AFF1: variants seen among roughly 807,000 people sequenced by gnomAD.
AFF1 encodes AF4/FMR2 family member 1.
AFF1 carries 48 observed loss-of-function variants against 121.7 expected under a neutral mutation model. That is an observed-to-expected ratio of 0.39 (90% CI 0.31 to 0.50). The LOEUF (loss-of-function observed/expected upper bound fraction) is 0.50, where lower values mean the gene tolerates loss of function less well. Among genes scored for constraint, AFF1 ranks in the 20% least tolerant of loss-of-function variants. The pLI, the probability that AFF1 is intolerant of heterozygous loss-of-function variation, is 0.76. For synonymous variants in AFF1, 613 were observed against 563.0 expected (o/e 1.09, Z -1.26); for missense variants, 1,523 against 1,511.7 (o/e 1.01, Z -0.12).
At position 87,046,683 on chromosome 4, in the gene AFF1, C is replaced by CT. The variant is rs753711071; in HGVS notation, c.160-4dup. On this transcript the variant is annotated splice_polypyrimidine_tract_variant and intron_variant, in intron 3 of 20. Coordinates refer to ENST00000395146, the MANE Select transcript of AFF1 (RefSeq NM_001166693.3). ...AGTTTTTTTTCATTCTCAAATTCTC[C>CT]TTTTTTTTCAGACAGCAAAAGGTGA... is the stretch of plus-strand genomic sequence containing the variant. 136 of 1,579,906 alleles carry CT rather than the reference C, an allele frequency of 8.6e-5. No individual in the cohort carries two copies. In the South Asian group the frequency reaches 9.7e-4, roughly 11 times the overall value.
chr4:87,076,144 C>T (rs369265597), intron 4 of AFF1, among the ~76,000 whole-genome samples: 8 of 152,146 alleles, frequency 5.3e-5, no homozygotes, highest in Admixed American at 4.6e-4. Context: ...TGCACTACCC[C>T]CTTCTTCTAG....
Position 87,091,847 on chromosome 4 carries a change from TG to T in AFF1, c.1228+19del. On this transcript the variant is annotated intron_variant, in intron 7 of 20. Coordinates refer to ENST00000395146, the MANE Select transcript of AFF1 (RefSeq NM_001166693.3). ...AAACCAAAGTAAGTAAATTTGAAAC[TG>T]CTTATTGGATTGGAGAACAAAGCAT... 1.3e-6 allele frequency: 2 copies of T among 1,547,880 alleles called. No individual in the cohort carries two copies. The highest frequency in any genetic ancestry group is 1.7e-6 in the Non-Finnish European group (2 of 1,143,132).
At chr4:87,010,289 G>C (rs1408449848) in intron 2 of AFF1, among the ~76,000 whole-genome samples, 1 of 152,122 alleles carries the variant, frequency 6.6e-6, no homozygotes, top group African/African-American at 2.4e-5. Flanking sequence ...TAGATTTTTG[G>C]GGGTCATATT....
chr4:86,952,280 C>T (rs1176756272), intron 2 of AFF1, among the ~76,000 whole-genome samples: 2 of 152,142 alleles, frequency 1.3e-5, no homozygotes, highest in African/African-American at 4.8e-5. Flanking sequence ...TTAGAGTTGA[C>T]TACTGTAGGC....
chr4:87,006,800 G>C (rs1004697138), intron 2 of AFF1, among the ~76,000 whole-genome samples: 2 of 152,186 alleles, frequency 1.3e-5, no homozygotes, highest in Non-Finnish European at 2.9e-5. Flanking sequence ...GGCGGGGCTC[G>C]GCCGGGGACC....
intron 14 of AFF1, 89 bp downstream of exon 14, chr4:87,126,425 T>C: frequency 1.6e-6 from 2 of 1,244,554 alleles, no homozygotes; most frequent in East Asian, 4.7e-5. Context: ...GTGATGGCAC[T>C]TCAGAACTGT....
chr4:87,046,199 T>G lies in AFF1; in HGVS notation c.72T>G (p.Ile24Met). The change falls in exon 3 of 21, where the codon ATT becomes ATG. Residue 24 changes from isoleucine to methionine, a missense_variant. Physicochemically the swap from Ile to Met is conservative, Grantham distance 10 (BLOSUM62 1). Transcript: ENST00000395146. ...ATGACGACAGAAACCTGCTTCGAATTAGAGAGAAGGAAAGACGCAACCAGG... is the reference window on the plus strand; with the variant it reads ...ATGACGACAGAAACCTGCTTCGAATGAGAGAGAAGGAAAGACGCAACCAGG... Reference protein sequence around the residue: ...LYNDDRNLLRIREKERRNQEA... With the variant: ...LYNDDRNLLRMREKERRNQEA... 6.2e-7 allele frequency: 1 copy of G among 1,613,832 alleles called. No homozygotes were observed. Among genetic ancestry groups the G allele is most frequent in the Middle Eastern group, 1.6e-4 (1 of 6,062 alleles).
chr4:86,998,206 T>C (rs1725393224), intron 2 of AFF1, among the ~76,000 whole-genome samples: 1 of 151,720 alleles, frequency 6.6e-6, no homozygotes, highest in African/African-American at 2.4e-5. Context: ...TTTAGCTTCA[T>C]GAGAGATAGA....
intron 4 of AFF1, among the ~76,000 whole-genome samples, chr4:87,056,620 C>T (rs984765795): frequency 1.3e-5 from 2 of 152,038 alleles, no homozygotes; most frequent in Non-Finnish European, 2.9e-5. Flanking sequence ...TTAAAAATAA[C>T]TTTGTTTCTT....
intron 2 of AFF1, among the ~76,000 whole-genome samples, chr4:87,007,746 T>C (rs1726312996): frequency 6.6e-6 from 1 of 152,182 alleles, no homozygotes; most frequent in Non-Finnish European, 1.5e-5. Flanking sequence ...AATTTCCATT[T>C]AGATTCTTTG....
chr4:86,937,205 C>T (rs1407921109), intron 1 of AFF1, among the ~76,000 whole-genome samples: 1 of 152,214 alleles, frequency 6.6e-6, no homozygotes, highest in African/African-American at 2.4e-5. Context: ...GTGGCTTTGG[C>T]ATTTGCTTAA....
intron 4 of AFF1, among the ~76,000 whole-genome samples, chr4:87,064,273 A>G (rs991998900): frequency 6.6e-6 from 1 of 152,226 alleles, no homozygotes; most frequent in African/African-American, 2.4e-5. Flanking sequence ...AAGGTGTAAG[A>G]TTAAACATAT....
intron 19 of AFF1, among the ~76,000 whole-genome samples, 185 bp downstream of exon 19, chr4:87,132,593 G>A (rs969624166): frequency 1.3e-5 from 2 of 152,296 alleles, no homozygotes; most frequent in East Asian, 3.9e-4. Context: ...TTGAGAAATA[G>A]TTATAAATCA....
intron 12 of AFF1, among the ~76,000 whole-genome samples, chr4:87,117,732 C>T (rs955992776): frequency 2.0e-5 from 3 of 152,150 alleles, no homozygotes; most frequent in Admixed American, 1.3e-4. Context: ...ACCAGTCAAC[C>T]GTATTCTTAT....
intron 2 of AFF1, among the ~76,000 whole-genome samples, chr4:86,989,720 T>C (rs1446065230): frequency 6.6e-6 from 1 of 152,190 alleles, no homozygotes; most frequent in Non-Finnish European, 1.5e-5. Flanking sequence ...TAAAGACACA[T>C]GTACACATAT....
chr4:87,045,971 G>A (rs1730646442), intron 2 of AFF1, among the ~76,000 whole-genome samples, 195 bp from the exon 3 acceptor site: 1 of 152,130 alleles, frequency 6.6e-6, no homozygotes, highest in Non-Finnish European at 1.5e-5. Flanking sequence ...CCCCAGGCTG[G>A]AGGGTCACAG....
intron 12 of AFF1, 39 bp from the exon 13 acceptor site, chr4:87,124,998 T>C (rs758661171): frequency 6.7e-7 from 1 of 1,491,832 alleles, no homozygotes; most frequent in South Asian, 1.3e-5. Flanking sequence ...TGTACAATTA[T>C]GTTGGTAATA....
intron 7 of AFF1, 93 bp from the exon 8 acceptor site, chr4:87,094,822 G>A: frequency 8.6e-7 from 1 of 1,169,548 alleles, no homozygotes. Flanking sequence ...AGTGTGTTTA[G>A]GTAAAAACTG....
intron 10 of AFF1, among the ~76,000 whole-genome samples, chr4:87,106,523 C>T (rs748955287): frequency 1.2e-4 from 19 of 152,134 alleles, no homozygotes; most frequent in Non-Finnish European, 2.4e-4. Context: ...CAGTTATTTC[C>T]AGAACTTCTT....
Sources: allele counts gnomAD v4.1 joint callset (sites outside exome capture counted in the v4.1 genomes callset), GRCh38; gene constraint gnomAD v4.1.1; transcripts MANE v1.5; gene names NCBI Gene and HGNC (gene_info 2026-07-23, HGNC 2026-07-21).